Variants in SLC39A11 observed in about 807,000 individuals in gnomAD.
SLC39A11 encodes the protein zinc transporter ZIP11.
SLC39A11 carries 33 observed loss-of-function variants against 36.1 expected under a neutral mutation model. That is an observed-to-expected ratio of 0.91 (90% CI 0.69 to 1.22). SLC39A11 has a LOEUF of 1.22. Ranked by LOEUF, SLC39A11 falls within the 50% of genes most tolerant of loss-of-function variation. SLC39A11 has a pLI of 0.00. For missense variants in SLC39A11, 432 were observed against 430.3 expected (o/e 1.00, Z -0.03); for synonymous variants, 166 against 170.3 (o/e 0.97, Z 0.20).
chr17:73,047,316 G>A (rs916272410), intron 3 of SLC39A11, among the ~76,000 whole-genome samples: 4 of 151,980 alleles, frequency 2.6e-5, no homozygotes, highest in Non-Finnish European at 5.9e-5. Flanking sequence ...GAGCCACCGC[G>A]CCCGGCAAGA....
intron 7 of SLC39A11, chr17:72,725,650 G>A (rs2073893847): frequency 6.6e-6 from 1 of 152,168 alleles, no homozygotes; most frequent in Admixed American, 6.5e-5. Context: ...ATGCTACCAA[G>A]CTACCGCGTG....
At chr17:72,944,532 A>AC (rs1555644620) in intron 5 of SLC39A11, among the ~76,000 whole-genome samples, 72,101 of 151,086 alleles carry the variant, frequency 0.48, 19,650 homozygotes, top group South Asian at 0.66. Flanking sequence ...TTGCCTTTCA[A>AC]ACACACACAC....
At chr17:72,685,844 G>T (rs139860723) in intron 7 of SLC39A11, among the ~76,000 whole-genome samples, 271 of 152,182 alleles carry the variant, frequency 1.8e-3, no homozygotes, top group African/African-American at 6.4e-3. Context: ...TTCAAGACCA[G>T]CCTGGGCAAC....
intron 6 of SLC39A11, among the ~76,000 whole-genome samples, chr17:72,834,098 C>CT (rs11449659): frequency 0.45 from 68,257 of 151,726 alleles, 16,177 homozygotes; most frequent in East Asian, 0.74. Context: ...TGTGAAGTTA[C>CT]TTTTTTTTGC....
chr17:72,649,206 A>G lies in SLC39A11; in HGVS notation c.734T>C (p.Leu245Ser). Residue 245 changes from leucine (L) to serine (S), a missense_variant, in exon 8 of 10, where the codon TTG becomes TCG. By Grantham distance (145) the Leu-to-Ser change is moderately radical (BLOSUM62 -2). Coordinates refer to ENST00000255559, the MANE Select transcript of SLC39A11 (RefSeq NM_139177.4). The stretch of plus-strand genomic sequence containing the variant: ...CCAGGTGGAGAAGCCTGCCCCTCGC[A>G]AGGGAAGGCTGACAGCCAGGCCCTC... ...FPEGLAVSLP[L>S]RGAGFSTWRA... 1 of 1,614,216 alleles carries G rather than the reference A, an allele frequency of 6.2e-7. No homozygotes were observed.
chr17:72,835,050 C>A (rs1159398033), intron 6 of SLC39A11, among the ~76,000 whole-genome samples: 2 of 152,234 alleles, frequency 1.3e-5, no homozygotes, highest in Admixed American at 1.3e-4. Context: ...GGCGTTGGTG[C>A]CAACTCTCAT....
chr17:72,817,442 A>G (rs1284569102), intron 6 of SLC39A11, among the ~76,000 whole-genome samples: 1 of 152,012 alleles, frequency 6.6e-6, no homozygotes, highest in Non-Finnish European at 1.5e-5. Flanking sequence ...TCCCAGGAGA[A>G]TGGCACCAAG....
chr17:72,819,641 A>G (rs115000171), intron 6 of SLC39A11, among the ~76,000 whole-genome samples: 3,927 of 151,236 alleles, frequency 0.026, 208 homozygotes, highest in African/African-American at 0.085. Context: ...CTAGAAGCCC[A>G]AAAAACAGCC....
At chr17:73,071,282 C>T (rs377681272) in intron 3 of SLC39A11, among the ~76,000 whole-genome samples, 10 of 152,224 alleles carry the variant, frequency 6.6e-5, no homozygotes, top group African/African-American at 2.4e-4. Context: ...TCAAATTGCA[C>T]ACTTTTGGCT....
At chr17:72,752,560 T>C (rs2075197123) in intron 6 of SLC39A11, among the ~76,000 whole-genome samples, 1 of 152,170 alleles carries the variant, frequency 6.6e-6, no homozygotes. Flanking sequence ...GTATCTTTTT[T>C]CTTTTTATTT....
intron 6 of SLC39A11, among the ~76,000 whole-genome samples, chr17:72,780,525 G>GGT (rs1555670210): frequency 1.6e-5 from 2 of 122,962 alleles, no homozygotes; most frequent in African/African-American, 7.1e-5. Flanking sequence ...GAAGATGGGG[G>GGT]GCGGGTGGGG....
intron 5 of SLC39A11, among the ~76,000 whole-genome samples, chr17:72,913,954 T>C (rs112253157): frequency 0.013 from 1,952 of 151,522 alleles, 39 homozygotes; most frequent in African/African-American, 0.044. Flanking sequence ...CCACATACAG[T>C]TGGCCCTCTG....
chr17:72,776,021 C>T (rs2076119547), intron 6 of SLC39A11, among the ~76,000 whole-genome samples: 1 of 152,254 alleles, frequency 6.6e-6, no homozygotes. Flanking sequence ...CATGTTCCCT[C>T]TCCCTGGATC....
intron 3 of SLC39A11, among the ~76,000 whole-genome samples, chr17:73,064,453 C>T (rs569732224): frequency 6.6e-6 from 1 of 152,322 alleles, no homozygotes; most frequent in Admixed American, 6.5e-5. Context: ...GGATTTCAGT[C>T]TCTGTGGAGC....
Position 72,746,737 on chromosome 17 carries a change from C to CAAAAT in SLC39A11, c.602-10023_602-10019dup, listed in dbSNP as rs562512378. On this transcript the variant is annotated intron_variant, in intron 6 of 9. Coordinates refer to ENST00000255559, the MANE Select transcript of SLC39A11 (RefSeq NM_139177.4). Reference sequence around the variant, plus strand: ...TGGGTGACAGAGCAAGACTCCGTCTCAAAATAAAATAAAATAAAATAAAAA... The same window carrying CAAAAT: ...TGGGTGACAGAGCAAGACTCCGTCTCAAAATAAAATAAAATAAAATAAAATAAAAA... 5.6e-3 allele frequency among the ~76,000 whole-genome samples: 846 copies of CAAAAT among 151,554 alleles called. 6 individuals carry two copies. Among genetic ancestry groups the CAAAAT allele is most frequent in the Middle Eastern group, 6.9e-3 (2 of 288 alleles).
intron 4 of SLC39A11, among the ~76,000 whole-genome samples, chr17:73,018,222 A>G (rs2058230610): frequency 1.3e-5 from 2 of 152,182 alleles, no homozygotes; most frequent in Non-Finnish European, 2.9e-5. Flanking sequence ...TTAACAATAG[A>G]CCACTGACAA....
chr17:72,769,948 C>T (rs752731854), intron 6 of SLC39A11, among the ~76,000 whole-genome samples: 2 of 152,186 alleles, frequency 1.3e-5, no homozygotes, highest in Non-Finnish European at 2.9e-5. Flanking sequence ...TCCAGTCTCC[C>T]TGCCTTTGCT....
At chr17:72,841,720 G>A (rs1329313266) in intron 6 of SLC39A11, among the ~76,000 whole-genome samples, 7 of 152,088 alleles carry the variant, frequency 4.6e-5, no homozygotes, top group Non-Finnish European at 8.8e-5. Flanking sequence ...GTAACACAGA[G>A]GATAAATGCT....
At chr17:72,894,054 C>G (rs928265717) in intron 5 of SLC39A11, among the ~76,000 whole-genome samples, 14 of 151,964 alleles carry the variant, frequency 9.2e-5, no homozygotes, top group Non-Finnish European at 1.5e-5. Context: ...AACCAATGCT[C>G]ATGATAAATA....
Sources: allele counts gnomAD v4.1 joint callset (sites outside exome capture counted in the v4.1 genomes callset), GRCh38; gene constraint gnomAD v4.1.1; transcripts MANE v1.5; gene names NCBI Gene and HGNC (gene_info 2026-07-23, HGNC 2026-07-21).